The following LYPLAL1 variants were observed in gnomAD, a reference collection of about 807,000 sequenced individuals.
LYPLAL1 encodes the protein lysophospholipase like 1, also known as lysophospholipase-like protein 1.
LYPLAL1 carries 23 observed loss-of-function variants against 19.7 expected under a neutral mutation model. The ratio of observed to expected loss-of-function variants is 1.17; its 90% CI spans 0.84 to 1.65. The LOEUF (loss-of-function observed/expected upper bound fraction) is 1.65, where lower values mean the gene tolerates loss of function less well. LYPLAL1 is among the 40% of genes most tolerant of loss of function. LYPLAL1 has a pLI of 0.00. For synonymous variants in LYPLAL1, 119 were observed against 96.3 expected, an observed-to-expected ratio of 1.24 and a Z score of -1.38; for missense variants, 355 against 279.4, an observed-to-expected ratio of 1.27 and a Z score of -1.93.
intron 3 of LYPLAL1, among the ~76,000 whole-genome samples, chr1:219,201,569 C>A (rs1658101487): frequency 6.6e-6 from 1 of 151,624 alleles, no homozygotes; most frequent in African/African-American, 2.4e-5. Flanking sequence ...TTATTAATTT[C>A]ATATTATAAT....
the LYPLAL1 span, among the ~76,000 whole-genome samples, chr1:219,436,517 C>T: frequency 6.6e-6 from 1 of 152,218 alleles, no homozygotes; most frequent in Admixed American, 6.5e-5. Flanking sequence ...ATAAATCTGC[C>T]TGCCCGGAGC....
the LYPLAL1 span, among the ~76,000 whole-genome samples, chr1:219,256,074 A>G: frequency 6.6e-6 from 1 of 151,740 alleles, no homozygotes; most frequent in African/African-American, 2.4e-5. Flanking sequence ...TCAAAGTTTA[A>G]CTGCATCATA....
the LYPLAL1 span, among the ~76,000 whole-genome samples, chr1:219,378,434 A>C: frequency 6.6e-6 from 1 of 152,192 alleles, no homozygotes; most frequent in Non-Finnish European, 1.5e-5. Context: ...AACCATCCCC[A>C]TGATTAAATT....
the LYPLAL1 span, among the ~76,000 whole-genome samples, chr1:219,388,610 G>T: frequency 2.0e-5 from 3 of 152,156 alleles, no homozygotes; most frequent in Non-Finnish European, 4.4e-5. Flanking sequence ...TGTGTGGGTT[G>T]TGGGTGAGGC....
the LYPLAL1 span, among the ~76,000 whole-genome samples, chr1:219,372,601 T>C: frequency 6.6e-6 from 1 of 152,094 alleles, no homozygotes; most frequent in South Asian, 2.1e-4. Context: ...CCTGAAAATA[T>C]AAAATGATAA....
chr1:219,312,212 C>A, the LYPLAL1 span, among the ~76,000 whole-genome samples: 1 of 152,104 alleles, frequency 6.6e-6, no homozygotes, highest in Non-Finnish European at 1.5e-5. Flanking sequence ...CTGAGGAGAG[C>A]TGGGCAAGTG....
the LYPLAL1 span, among the ~76,000 whole-genome samples, chr1:219,279,879 C>T: frequency 6.6e-6 from 1 of 151,846 alleles, no homozygotes. Context: ...AAGGAAAAGA[C>T]TCCAAAATAT....
At chr1:219,303,518 C>T in the LYPLAL1 span, among the ~76,000 whole-genome samples, 8 of 152,282 alleles carry the variant, frequency 5.3e-5, no homozygotes, top group African/African-American at 1.7e-4. Flanking sequence ...TTTCTTGTCA[C>T]CCAGTGTTAC....
At chr1:219,368,590 G>T in the LYPLAL1 span, among the ~76,000 whole-genome samples, 1 of 152,204 alleles carries the variant, frequency 6.6e-6, no homozygotes. Flanking sequence ...GAAAAATGGA[G>T]ATAAGGCCAT....
chr1:219,320,854 G>T, the LYPLAL1 span, among the ~76,000 whole-genome samples: 3 of 152,150 alleles, frequency 2.0e-5, no homozygotes, highest in African/African-American at 7.2e-5. Context: ...TGGGCACTTG[G>T]GTTGGTTCCA....
chr1:219,176,108 G>A (rs1655789486), intron 1 of LYPLAL1, among the ~76,000 whole-genome samples: 2 of 152,190 alleles, frequency 1.3e-5, no homozygotes, highest in African/African-American at 4.8e-5. Flanking sequence ...AGCAGCCATA[G>A]AAGAACATAT....
At chr1:219,404,810 T>G in the LYPLAL1 span, among the ~76,000 whole-genome samples, 1 of 152,346 alleles carries the variant, frequency 6.6e-6, no homozygotes, top group East Asian at 1.9e-4. Flanking sequence ...GATAAGGGTT[T>G]GAGGTGATGG....
the LYPLAL1 span, among the ~76,000 whole-genome samples, chr1:219,237,025 G>A: frequency 1.3e-5 from 2 of 151,842 alleles, no homozygotes; most frequent in Non-Finnish European, 2.9e-5. Flanking sequence ...AATTGTATTG[G>A]TCCATAAAAA....
the LYPLAL1 span, among the ~76,000 whole-genome samples, chr1:219,328,020 G>A: frequency 5.3e-5 from 8 of 152,132 alleles, no homozygotes; most frequent in Middle Eastern, 3.4e-3. Flanking sequence ...CTTTCAAGAC[G>A]AGAATATTTA....
chr1:219,325,046 T>A, the LYPLAL1 span, among the ~76,000 whole-genome samples: 3 of 152,138 alleles, frequency 2.0e-5, no homozygotes, highest in African/African-American at 7.2e-5. Context: ...ATGGGAAATA[T>A]AAACTTCTTT....
At chr1:219,249,374 A>G in the LYPLAL1 span, among the ~76,000 whole-genome samples, 2 of 152,070 alleles carry the variant, frequency 1.3e-5, no homozygotes, top group African/African-American at 2.4e-5. Flanking sequence ...ATAATACTGA[A>G]TGTAATTCAC....
the LYPLAL1 span, among the ~76,000 whole-genome samples, chr1:219,340,956 C>T: frequency 6.6e-6 from 1 of 152,050 alleles, no homozygotes; most frequent in African/African-American, 2.4e-5. Context: ...CCCTTCCCAG[C>T]TCTGAGGGCT....
chr1:219,196,648 G>A (rs1473404062), intron 3 of LYPLAL1, among the ~76,000 whole-genome samples: 1 of 152,090 alleles, frequency 6.6e-6, no homozygotes, highest in Non-Finnish European at 1.5e-5. Context: ...TCTGGCTGGG[G>A]CAATCAGGCA....
the LYPLAL1 span, among the ~76,000 whole-genome samples, chr1:219,238,921 A>G: frequency 1.3e-5 from 2 of 152,192 alleles, no homozygotes; most frequent in African/African-American, 4.8e-5. Context: ...ATCAGAGAAG[A>G]TACTATTTTT....
Sources: gnomAD v4.1 joint callset for allele counts (sites outside exome capture counted in the v4.1 genomes callset) on GRCh38, gnomAD v4.1.1 for gene constraint, MANE v1.5 for transcripts, NCBI Gene and HGNC (gene_info 2026-07-23, HGNC 2026-07-21) for gene names.